TNNT2: variants seen among roughly 807,000 people sequenced by gnomAD.
TNNT2 encodes troponin T2, cardiac type.
In TNNT2, 34 loss-of-function variants were observed where a neutral mutation model predicts 62.4. That is an observed-to-expected ratio of 0.54 (90% CI 0.41 to 0.72). The LOEUF (loss-of-function observed/expected upper bound fraction) is 0.72, where lower values mean the gene tolerates loss of function less well. Ranked by LOEUF, TNNT2 falls within the 30% of genes least tolerant of loss-of-function variation. TNNT2 has a pLI of 0.00. For synonymous variants in TNNT2, 123 were observed against 127.2 expected, an observed-to-expected ratio of 0.97 and a Z score of 0.22; for missense variants, 275 against 381.9, an observed-to-expected ratio of 0.72 and a Z score of 2.33.
intron 6 of TNNT2, 35 bp downstream of exon 6, chr1:201,368,127 C>T: frequency 1.2e-6 from 2 of 1,609,152 alleles, no homozygotes; most frequent in Non-Finnish European, 1.7e-6. Flanking sequence ...TCTCGCCACC[C>T]CCTGAGGCCC....
intron 11 of TNNT2, chr1:201,363,921 CTTG>C: frequency 5.3e-6 from 1 of 189,500 alleles, no homozygotes; most frequent in East Asian, 1.3e-4. Context: ...GAGTTTCACT[CTTG>C]TTGCCCAGGC....
chr1:201,367,702 G>A, intron 7 of TNNT2, 69 bp downstream of exon 7: 7 of 1,531,056 alleles, frequency 4.6e-6, no homozygotes, highest in Non-Finnish European at 6.3e-6. Flanking sequence ...AGCACTGTGG[G>A]CATTCTCCTC....
intron 14 of TNNT2, among the ~76,000 whole-genome samples, chr1:201,361,601 G>C (rs3730240): frequency 1.3e-5 from 2 of 152,184 alleles, no homozygotes; most frequent in Non-Finnish European, 2.9e-5. Flanking sequence ...AAGAACAAGC[G>C]GGGAGCAGGA....
chr1:201,366,365 C>G, intron 8 of TNNT2: 1 of 870,500 alleles, frequency 1.1e-6, no homozygotes, highest in Non-Finnish European at 1.3e-6. Context: ...ATCCCCCAGC[C>G]CCCCCCAGCA....
intron 12 of TNNT2, among the ~76,000 whole-genome samples, chr1:201,362,802 G>A (rs1045961730): frequency 6.6e-6 from 1 of 152,174 alleles, no homozygotes; most frequent in East Asian, 1.9e-4. Context: ...GAGTTTCCAG[G>A]AACAAACAAC....
chr1:201,363,051 G>T, intron 12 of TNNT2: 2 of 908,644 alleles, frequency 2.2e-6, no homozygotes, highest in Non-Finnish European at 2.6e-6. Flanking sequence ...GCCAGGCATG[G>T]GGGGCACCAT....
rs771514445 is a variant in TNNT2, at chr1:201,365,305, G to A, written c.297C>T (p.Asp99=). 2 of 1,613,316 alleles carry A rather than the reference G, an allele frequency of 1.2e-6. No individual in the cohort carries two copies. The highest frequency in any genetic ancestry group is 1.7e-5 in the Admixed American group (1 of 60,032). ...IPDGERVDFD[D]IHRKRMEKDL... Reference sequence around the variant, plus strand: ...CCTTCTCCATGCGCTTCCGGTGGATGTCCTGTGGGTGGACCGCTGCGGCTC... The same window carrying A: ...CCTTCTCCATGCGCTTCCGGTGGATATCCTGTGGGTGGACCGCTGCGGCTC... Residue 99 remains aspartate (D), a splice_region_variant and synonymous_variant, in exon 10 of 17, where the codon GAC becomes GAT. Transcript: ENST00000656932.
At chr1:201,366,920 G>C in intron 7 of TNNT2, 49 bp from the exon 8 acceptor site, 1 of 1,613,972 alleles carries the variant, frequency 6.2e-7, no homozygotes, top group Non-Finnish European at 8.5e-7. Context: ...CCCCAGAAGT[G>C]GTCCCAACTC....
At position 201,359,225 on chromosome 1, in the gene TNNT2, G is replaced by A. The variant is rs45465693; in HGVS notation, c.882C>T (p.Thr294=). The change falls in exon 17 of 17, where the codon ACC becomes ACT. Residue 294 remains threonine (T), a synonymous_variant. Coordinates refer to ENST00000656932, the MANE Select transcript of TNNT2 (RefSeq NM_001276345.2). ...VSKTRGKAKV[T]GRWK ...AGGCCAGGCTCTATTTCCAGCGCCC[G>A]GTGACTTTAGCCTTCCCGCGGGTCT... 92 of 1,610,668 alleles carry A rather than the reference G, an allele frequency of 5.7e-5. No individual in the cohort carries two copies. In the East Asian group the frequency reaches 8.0e-4, roughly 14 times the overall value.
chr1:201,363,483 T>C, intron 11 of TNNT2, 77 bp from the exon 12 acceptor site: 1 of 1,371,384 alleles, frequency 7.3e-7, no homozygotes, highest in Non-Finnish European at 1.0e-6. Context: ...AAGCTTGTGG[T>C]CTTTATGGGT....
In TNNT2 at chr1:201,365,191, G is replaced by A. The variant is rs727504322; in HGVS notation, c.411C>T (p.Ile137=). ...EEELVSLKDR[I]ERRRAERAEQ... Reference sequence around the variant, plus strand: ...TTAGGTGGGCAGACTGGACACCTACGATCCTGTCTTTGAGAGAAACGAGCT... The same window carrying A: ...TTAGGTGGGCAGACTGGACACCTACAATCCTGTCTTTGAGAGAAACGAGCT... Residue 137 remains isoleucine (I), a splice_region_variant and synonymous_variant, in exon 10 of 17, where the codon ATC becomes ATT. Coordinates refer to ENST00000656932, the MANE Select transcript of TNNT2 (RefSeq NM_001276345.2). 23 of 1,611,086 alleles carry A rather than the reference G, an allele frequency of 1.4e-5. No individual in the cohort carries two copies. The highest frequency in any genetic ancestry group is 1.2e-4 in the Admixed American group (7 of 60,000).
At chr1:201,359,805 G>A (rs1253229110) in intron 15 of TNNT2, 142 bp from the exon 16 acceptor site, 3 of 789,308 alleles carry the variant, frequency 3.8e-6, no homozygotes, top group East Asian at 5.3e-5. Flanking sequence ...GAGGGGTTAG[G>A]ATAGTTAAGG....
chr1:201,366,632 T>A, intron 8 of TNNT2: 1 of 1,463,680 alleles, frequency 6.8e-7, no homozygotes, highest in Non-Finnish European at 9.0e-7. Flanking sequence ...CGATTGGTGA[T>A]GGAGTGTTGG....
In TNNT2 at chr1:201,372,161, A is replaced by G. The variant is rs1660720268; in HGVS notation, c.42-6T>C. The G allele has an allele frequency of 3.7e-6, 6 of 1,614,190 alleles. No homozygotes were observed. The highest frequency in any genetic ancestry group is 4.2e-6 in the Non-Finnish European group (5 of 1,180,042). Reference sequence around the variant, plus strand: ...TACGCTTACCTTCCTGCTCCCTGAGAGCAACAGGAAACACTGTCAGTAGCT... The same window carrying G: ...TACGCTTACCTTCCTGCTCCCTGAGGGCAACAGGAAACACTGTCAGTAGCT... On this transcript the variant is annotated splice_polypyrimidine_tract_variant and splice_region_variant and intron_variant, in intron 2 of 16. Coordinates refer to ENST00000656932, the MANE Select transcript of TNNT2 (RefSeq NM_001276345.2).
chr1:201,370,538 C>T (rs955599886), intron 4 of TNNT2, among the ~76,000 whole-genome samples: 1 of 152,236 alleles, frequency 6.6e-6, no homozygotes, highest in Non-Finnish European at 1.5e-5. Context: ...AACAATTCCT[C>T]TCCTGGAAGA....
Position 201,363,398 on chromosome 1 carries a change from C to T in TNNT2, c.498G>A (p.Arg166=), listed in dbSNP as rs750399630. The change falls in exon 12 of 17, where the codon AGG becomes AGA. Residue 166 remains arginine, a synonymous_variant. Coordinates refer to ENST00000656932, the MANE Select transcript of TNNT2 (RefSeq NM_001276345.2). The part of the protein sequence containing the change: ...KERQNRLAEE[R]ARREEEENRR... ...TGTTCTCCTCCTCCTCTCGTCGAGC[C>T]CTCTCTTCCTGATTTACAGCAGGGA... The T allele has an allele frequency of 9.9e-6, 16 of 1,614,144 alleles. No individual in the cohort carries two copies. Among genetic ancestry groups the T allele is most frequent in the Non-Finnish European group, 1.4e-5 (16 of 1,179,998 alleles).
In TNNT2 at chr1:201,373,102, C is replaced by G. The variant is rs779180179; in HGVS notation, c.41+112G>C. The G allele has an allele frequency of 7.2e-6, 8 of 1,104,062 alleles. No individual in the cohort carries two copies. The African/African-American group carries it at 1.2e-4, about 17-fold the overall frequency. The allele number at this position is 1,104,062 out of a possible 1,614,324, so 68.4% of individuals were successfully genotyped here. On this transcript the variant is annotated intron_variant, in intron 2 of 16. Coordinates refer to ENST00000656932, the MANE Select transcript of TNNT2 (RefSeq NM_001276345.2). Reference sequence around the variant, plus strand: ...ATCTCTCCTCGGGGTGCCCAAAACACACACAGCTACTTCTACCCAGAATCC... The same window carrying G: ...ATCTCTCCTCGGGGTGCCCAAAACAGACACAGCTACTTCTACCCAGAATCC...
chr1:201,372,005 T>A, intron 4 of TNNT2, 22 bp downstream of exon 4: 1 of 1,613,986 alleles, frequency 6.2e-7, no homozygotes, highest in Non-Finnish European at 8.5e-7. Context: ...TTTCTGGCTC[T>A]CCACCTGCCT....
At chr1:201,361,660 C>G (rs1161537559) in intron 14 of TNNT2, among the ~76,000 whole-genome samples, 1 of 152,264 alleles carries the variant, frequency 6.6e-6, no homozygotes, top group African/African-American at 2.4e-5. Context: ...CCTGTCCTGA[C>G]ACCCGTGTGC....
Sources: gnomAD v4.1 joint callset for allele counts (sites outside exome capture counted in the v4.1 genomes callset) on GRCh38, gnomAD v4.1.1 for gene constraint, MANE v1.5 for transcripts, NCBI Gene and HGNC (gene_info 2026-07-23, HGNC 2026-07-21) for gene names.